FGF4: variants seen among roughly 807,000 people sequenced by gnomAD.
The protein encoded by FGF4 is fibroblast growth factor 4.
FGF4 carries 9 observed loss-of-function variants against 15.7 expected under a neutral mutation model. The ratio of observed to expected loss-of-function variants is 0.57; its 90% CI spans 0.35 to 1.00. The LOEUF (loss-of-function observed/expected upper bound fraction) is 1.00. Ranked by LOEUF, FGF4 falls within the 50% of genes least tolerant of loss-of-function variation. FGF4 has a pLI of 0.02. For synonymous variants in FGF4, 164 were observed against 144.8 expected, an observed-to-expected ratio of 1.13 and a Z score of -0.95; for missense variants, 286 against 297.3, an observed-to-expected ratio of 0.96 and a Z score of 0.28.
rs1182504779 is a variant in FGF4, at chr11:69,774,122, G to T, written c.346C>A (p.Leu116Met). The T allele has an allele frequency of 1.2e-6, 2 of 1,611,496 alleles. No homozygotes were observed. Among genetic ancestry groups the T allele is most frequent in the East Asian group, 4.5e-5 (2 of 44,864 alleles). ...GAHADTRDSL[L>M]ELSPVERGVV... ...CCCCGCTCCACGGGCGAGAGCTCCA[G>T]CAGGCCTGGGGGCGGGGCGCAGGTC... Residue 116 changes from leucine to methionine, a missense_variant, in exon 2 of 3, where the codon CTG becomes ATG. By Grantham distance (15) the Leu-to-Met change is conservative. Coordinates refer to ENST00000168712, the MANE Select transcript of FGF4 (RefSeq NM_002007.4).
At position 69,775,281 on chromosome 11, in the gene FGF4, C is replaced by T. The variant is rs906640817; in HGVS notation, c.-197G>A. On this transcript the variant is annotated 5_prime_UTR_variant, in exon 1 of 3. Transcript: ENST00000168712. Reference sequence around the variant, plus strand: ...CGGCTGCATGGAGCGGCGAGCCGGGCGGAAAGCGCGCGGCTGGAGCTGGGA... The same window carrying T: ...CGGCTGCATGGAGCGGCGAGCCGGGTGGAAAGCGCGCGGCTGGAGCTGGGA... 29 of 386,568 alleles carry T rather than the reference C, an allele frequency of 7.5e-5. No homozygotes were observed. The highest frequency in any genetic ancestry group is 1.0e-4 in the Non-Finnish European group (23 of 220,196). The allele number at this position is 386,568 out of a possible 1,614,324, so 23.9% of individuals were successfully genotyped here.
Position 69,774,016 on chromosome 11 carries a change from G to A in FGF4, c.444+8C>T, listed in dbSNP as rs149254507. On this transcript the variant is annotated splice_region_variant and intron_variant, in intron 2 of 2. Coordinates refer to ENST00000168712, the MANE Select transcript of FGF4 (RefSeq NM_002007.4). ...CTAGGTGCCTAGCCAGACCCCTGCG[G>A]TACTCACCGAGCCATAGAGCTTGCC... is the stretch of plus-strand genomic sequence containing the variant. 1,507 of 1,608,416 alleles carry A rather than the reference G, an allele frequency of 9.4e-4. 15 individuals carry two copies. The African/African-American group carries it at 0.019, about 20-fold the overall frequency.
intron 1 of FGF4, 67 bp from the exon 2 acceptor site, chr11:69,774,194 C>T: frequency 2.3e-6 from 3 of 1,314,624 alleles, no homozygotes; most frequent in South Asian, 2.5e-5. Context: ...TCGGCTTGTT[C>T]GCCTCCGGGG....
At position 69,775,101 on chromosome 11, in the gene FGF4, T is replaced by C; in HGVS notation, c.-17A>G. ...CCCCGACATCCCGGCCCGAGGGCCG[T>C]GCGTCGGTCAGGCGGTCAGTGCGCC... On this transcript the variant is annotated 5_prime_UTR_variant, in exon 1 of 3. Coordinates refer to ENST00000168712, the MANE Select transcript of FGF4 (RefSeq NM_002007.4). 1 of 1,300,446 alleles carries C rather than the reference T, an allele frequency of 7.7e-7. No homozygotes were observed. Among genetic ancestry groups the C allele is most frequent in the Non-Finnish European group, 9.7e-7 (1 of 1,029,498 alleles). The allele number at this position is 1,300,446 out of a possible 1,614,324, so 80.6% of individuals were successfully genotyped here.
intron 1 of FGF4, 134 bp from the exon 2 acceptor site, chr11:69,774,261 C>T (rs1279409539): frequency 1.4e-6 from 1 of 700,932 alleles, no homozygotes. Context: ...GCGCAGCCGC[C>T]CCCAAGGGCC....
rs1855598954 is a variant in FGF4, at chr11:69,773,410, A to G, written c.520T>C (p.Tyr174His). The change falls in exon 3 of 3, where the codon TAC (tyrosine) becomes CAC (histidine). Residue 174 changes from tyrosine (Y) to histidine (H), a missense_variant. Transcript: ENST00000168712. ...NNYNAYESYK[Y>H]PGMFIALSKN... ...CTCAGGGCGATGAACATGCCGGGGT[A>G]CTTGTAGGACTCGTAGGCGTTGTAG... 1.9e-6 allele frequency: 3 copies of G among 1,614,070 alleles called. No homozygotes were observed. The South Asian group carries it at 3.3e-5, about 18-fold the overall frequency.
chr11:69,773,295 G>T lies in FGF4; in HGVS notation c.*14C>A, dbSNP rs1194085383. ...AGGGGCTTCCCGAGGCTGAGGCAAG[G>T]GTCCTCTGGAGGGTCACAGCCTGGG... On this transcript the variant is annotated 3_prime_UTR_variant, in exon 3 of 3. Transcript: ENST00000168712. 6.2e-7 allele frequency: 1 copy of T among 1,613,500 alleles called. No individual in the cohort carries two copies. Among genetic ancestry groups the T allele is most frequent in the Non-Finnish European group, 8.5e-7 (1 of 1,179,528 alleles).
rs1333356990 is a variant in FGF4 at position 69,775,290 on chromosome 11, C to A, written c.-206G>T. On this transcript the variant is annotated 5_prime_UTR_variant, in exon 1 of 3. Coordinates refer to ENST00000168712, the MANE Select transcript of FGF4 (RefSeq NM_002007.4). ...GGAGCGGCGAGCCGGGCGGAAAGCG[C>A]GCGGCTGGAGCTGGGACTCTGAGGA... 7.8e-6 allele frequency: 3 copies of A among 382,960 alleles called. No individual in the cohort carries two copies. The Admixed American group carries it at 1.4e-4, about 18-fold the overall frequency. The allele number at this position is 382,960 out of a possible 1,614,324, so 23.7% of individuals were successfully genotyped here.
Position 69,773,466 on chromosome 11 carries a change from C to G in FGF4, c.464G>C (p.Cys155Ser), listed in dbSNP as rs756008893. The G allele has an allele frequency of 1.1e-5, 17 of 1,614,158 alleles. No individual in the cohort carries two copies. Among genetic ancestry groups the G allele is most frequent in the Non-Finnish European group, 1.4e-5 (17 of 1,180,022 alleles). Residue 155 changes from cysteine to serine, a missense_variant, in exon 3 of 3, where the codon TGC (cysteine) becomes TCC (serine). Coordinates refer to ENST00000168712, the MANE Select transcript of FGF4 (RefSeq NM_002007.4). Reference sequence around the variant, plus strand: ...GGGAAGGAGAATCTCCTTGAACGTGCACTCATCGGTGAAGAAGGGCTGCAG... The same window carrying G: ...GGGAAGGAGAATCTCCTTGAACGTGGACTCATCGGTGAAGAAGGGCTGCAG... Reference protein sequence around the residue: ...LYGSPFFTDECTFKEILLPNN... With the variant: ...LYGSPFFTDESTFKEILLPNN...
Position 69,775,307 on chromosome 11 carries a change from C to A in FGF4, c.-223G>T, listed in dbSNP as rs1366013979. The A allele has an allele frequency of 2.2e-5, 8 of 371,160 alleles. No individual in the cohort carries two copies. The highest frequency in any genetic ancestry group is 3.8e-5 in the Non-Finnish European group (8 of 209,782). The allele number at this position is 371,160 out of a possible 1,614,324, so 23.0% of individuals were successfully genotyped here. A position where few individuals can be genotyped will look rare whatever the true frequency, so the allele number is the denominator to read the frequency against. ...GGAAAGCGCGCGGCTGGAGCTGGGA[C>A]TCTGAGGAGCAGTGCGCGCCTCCCT... On this transcript the variant is annotated 5_prime_UTR_variant, in exon 1 of 3. Transcript: ENST00000168712.
Position 69,771,789 on chromosome 11 carries a change from C to G in FGF4, c.*1520G>C, listed in dbSNP as rs1855571731. On this transcript the variant is annotated 3_prime_UTR_variant, in exon 3 of 3. Coordinates refer to ENST00000168712, the MANE Select transcript of FGF4 (RefSeq NM_002007.4). ...CATAAAGTTAATTCGGGAGACAGTT[C>G]AGAAACATCCTAGGAGAGTATTAAA... 1 of 152,174 alleles carries G rather than the reference C, an allele frequency of 6.6e-6. No individual in the cohort carries two copies. The highest frequency in any genetic ancestry group is 2.1e-4 in the South Asian group (1 of 4,822). The allele number at this position is 152,174 out of a possible 1,614,324, so 9.4% of individuals were successfully genotyped here. A position where few individuals can be genotyped will look rare whatever the true frequency, so the allele number is the denominator to read the frequency against.
Position 69,774,067 on chromosome 11 carries a change from C to A in FGF4, c.401G>T (p.Arg134Leu), listed in dbSNP as rs1590951083. Residue 134 changes from arginine (R) to leucine (L), a missense_variant, in exon 2 of 3, where the codon CGG (arginine) becomes CTG (leucine). Transcript: ENST00000168712. ...GVVSIFGVAS[R>L]FFVAMSSKGK... is the part of the protein sequence containing the mutation. ...CTTGCTGCTCATGGCCACGAAGAAC[C>A]GGCTGGCCACGCCGAAGATGCTCAC... 2 of 1,613,102 alleles carry A rather than the reference C, an allele frequency of 1.2e-6. No individual in the cohort carries two copies. The highest frequency in any genetic ancestry group is 8.5e-7 in the Non-Finnish European group (1 of 1,179,946).
chr11:69,774,934 C>G lies in FGF4; in HGVS notation c.151G>C (p.Val51Leu). 6.8e-7 allele frequency: 1 copy of G among 1,479,934 alleles called. No homozygotes were observed. Among genetic ancestry groups the G allele is most frequent in the Non-Finnish European group, 8.9e-7 (1 of 1,122,848 alleles). The allele number at this position is 1,479,934 out of a possible 1,614,324, so 91.7% of individuals were successfully genotyped here. A position where few individuals can be genotyped will look rare whatever the true frequency, so the allele number is the denominator to read the frequency against. The change falls in exon 1 of 3, where the codon GTG becomes CTG. Residue 51 changes from valine (V) to leucine (L), a missense_variant. Transcript: ENST00000168712. ...GGCAGGCGCGCCAACGAGAGCGCCA[C>G]CAGGCTCTCCCAGCGGCGCTCCAGC... ...AELERRWESL[V>L]ALSLARLPVA...
rs1390579117 is a variant in FGF4 at position 69,775,068 on chromosome 11, G to A, written c.17C>T (p.Thr6Met). The change falls in exon 1 of 3, where the codon ACG (threonine) becomes ATG (methionine). Residue 6 changes from threonine (T) to methionine (M), a missense_variant. Coordinates refer to ENST00000168712, the MANE Select transcript of FGF4 (RefSeq NM_002007.4). MSGPGTAAVALLPAVL... is the reference protein window; with the variant it reads MSGPGMAAVALLPAVL... ...CGCCGGGAGCAGCGCTACCGCGGCC[G>A]TCCCGGGCCCCGACATCCCGGCCCG... 2 of 1,342,068 alleles carry A rather than the reference G, an allele frequency of 1.5e-6. No individual in the cohort carries two copies. Among genetic ancestry groups the A allele is most frequent in the Non-Finnish European group, 1.9e-6 (2 of 1,056,704 alleles). 83.1% of individuals were successfully genotyped at this position (1,342,068 alleles called of 1,614,324 possible).
rs1855568964 is a variant in FGF4 at position 69,771,569 on chromosome 11, T to C, written c.*1740A>G. On this transcript the variant is annotated 3_prime_UTR_variant, in exon 3 of 3. Coordinates refer to ENST00000168712, the MANE Select transcript of FGF4 (RefSeq NM_002007.4). ...TGTGGTTTAAAACTTAAAAACAGTT[T>C]AGTGCATGGTAGGAACAGCAGTTTA... 1 of 152,170 alleles carries C rather than the reference T, an allele frequency of 6.6e-6. No homozygotes were observed. The highest frequency in any genetic ancestry group is 1.9e-4 in the East Asian group (1 of 5,206). The allele number at this position is 152,170 out of a possible 1,614,324, so 9.4% of individuals were successfully genotyped here.
In FGF4 at chr11:69,773,358, T is replaced by G; in HGVS notation, c.572A>C (p.Asn191Thr). The change falls in exon 3 of 3, where the codon AAC becomes ACC. Residue 191 changes from asparagine to threonine, a missense_variant. Physicochemically the swap from Asn to Thr is moderately conservative, Grantham distance 65. Transcript: ENST00000168712. ...GACCTTCATGGTGGGCGACACTCGG[T>G]TCCCCTTCTTGGTCTTCCCATTCTT... The part of the protein sequence containing the change: ...LSKNGKTKKG[N>T]RVSPTMKVTH... 3 of 1,614,146 alleles carry G rather than the reference T, an allele frequency of 1.9e-6. No individual in the cohort carries two copies. The highest frequency in any genetic ancestry group is 2.5e-6 in the Non-Finnish European group (3 of 1,180,018).
chr11:69,773,953 G>T, intron 2 of FGF4, 71 bp downstream of exon 2: 1 of 1,295,160 alleles, frequency 7.7e-7, no homozygotes, highest in Non-Finnish European at 1.1e-6. Context: ...TGGGGCTGGA[G>T]AAGCCACGAG....
Position 69,773,452 on chromosome 11 carries a change from T to A in FGF4, c.478A>T (p.Ile160Phe). The change falls in exon 3 of 3, where the codon ATT becomes TTT. Residue 160 changes from isoleucine to phenylalanine, a missense_variant. Physicochemically the swap from Ile to Phe is conservative, Grantham distance 21. Transcript: ENST00000168712. Reference sequence around the variant, plus strand: ...GCGTTGTAGTTGTTGGGAAGGAGAATCTCCTTGAACGTGCACTCATCGGTG... The same window carrying A: ...GCGTTGTAGTTGTTGGGAAGGAGAAACTCCTTGAACGTGCACTCATCGGTG... ...FFTDECTFKEILLPNNYNAYE... is the reference protein window; with the variant it reads ...FFTDECTFKEFLLPNNYNAYE... 1 of 1,613,996 alleles carries A rather than the reference T, an allele frequency of 6.2e-7. No individual in the cohort carries two copies. Among genetic ancestry groups the A allele is most frequent in the Non-Finnish European group, 8.5e-7 (1 of 1,179,968 alleles).
At chr11:69,773,561 AC>A in intron 2 of FGF4, 76 bp from the exon 3 acceptor site, 1 of 1,411,526 alleles carries the variant, frequency 7.1e-7, no homozygotes, top group Non-Finnish European at 1.0e-6. Flanking sequence ...AGGGGTCAGA[AC>A]CCCCTTCTGT....
Sources: allele counts gnomAD v4.1 joint callset, GRCh38; gene constraint gnomAD v4.1.1; transcripts MANE v1.5; gene names NCBI Gene and HGNC (gene_info 2026-07-23, HGNC 2026-07-21).